BCAR3: variants seen among roughly 807,000 people sequenced by gnomAD.
BCAR3 encodes breast cancer anti-estrogen resistance protein 3.
Under a neutral mutation model 80.1 loss-of-function variants are expected in BCAR3, and 37 were observed. That is an observed-to-expected ratio of 0.46 (90% CI 0.36 to 0.61). The LOEUF (loss-of-function observed/expected upper bound fraction) is 0.61. Ranked by LOEUF, BCAR3 falls within the 20% of genes least tolerant of loss-of-function variation. The probability of loss-of-function intolerance (pLI) is 0.00; values close to 1 mark genes in which losing one functional copy is unlikely to be tolerated. For synonymous variants in BCAR3, 389 were observed against 418.9 expected, an observed-to-expected ratio of 0.93 and a Z score of 0.87; for missense variants, 978 against 1,068.2, an observed-to-expected ratio of 0.92 and a Z score of 1.18.
At chr1:93,610,833 G>C (rs1328383497) in intron 3 of BCAR3, among the ~76,000 whole-genome samples, 1 of 151,872 alleles carries the variant, frequency 6.6e-6, no homozygotes, top group East Asian at 1.9e-4. Flanking sequence ...TGTAATCCCA[G>C]CTACTCAGGA....
chr1:93,847,178 C>T, upstream of BCAR3: 1 of 197,574 alleles, frequency 5.1e-6, no homozygotes, highest in Non-Finnish European at 1.1e-5. Flanking sequence ...CCTGGGCCTG[C>T]AACTCTGGGG....
At chr1:93,662,320 T>C (rs1249205838) in intron 2 of BCAR3, among the ~76,000 whole-genome samples, 4 of 152,250 alleles carry the variant, frequency 2.6e-5, no homozygotes, top group African/African-American at 9.6e-5. Context: ...TTGAAATATT[T>C]TTCGTGTGTG....
chr1:93,843,415 G>C (rs1389274495), intron 2 of BCAR3, among the ~76,000 whole-genome samples: 1 of 152,228 alleles, frequency 6.6e-6, no homozygotes, highest in Non-Finnish European at 1.5e-5. Context: ...CCATGTGCCA[G>C]AACTGAGACA....
intron 6 of BCAR3, 89 bp downstream of exon 6, chr1:93,583,929 C>T (rs2101834088): frequency 2.3e-6 from 3 of 1,325,394 alleles, no homozygotes; most frequent in East Asian, 2.3e-5. Context: ...GTGTCGTTTT[C>T]GAATGAGACA....
At chr1:93,749,133 CACAA>C (rs1651456130) in intron 2 of BCAR3, among the ~76,000 whole-genome samples, 2 of 148,776 alleles carry the variant, frequency 1.3e-5, no homozygotes, top group South Asian at 2.1e-4. Context: ...CCCCCACACA[CACAA>C]ACAAATAATG....
chr1:93,790,634 A>AT lies in BCAR3; in HGVS notation c.-63+54932dup, dbSNP rs67196746. Among the ~76,000 whole-genome samples the AT allele has an allele frequency of 4.9e-4, 53 of 107,386 alleles. 1 individual carries two copies. The highest frequency in any genetic ancestry group is 2.7e-3 in the East Asian group (10 of 3,638). The allele number at this position is 107,386 out of a possible 152,430, so 70.4% of individuals were successfully genotyped here. On this transcript the variant is annotated intron_variant, in intron 2 of 13. Transcript: ENST00000370244. ...ATAGTCTTTTTTTTTTTTTGTATTC[A>AT]TTTTTTTTTTTTCTTAATTTTTTTT...
intron 2 of BCAR3, among the ~76,000 whole-genome samples, chr1:93,656,245 C>T (rs576814073): frequency 2.6e-5 from 4 of 152,066 alleles, no homozygotes; most frequent in East Asian, 1.9e-4. Flanking sequence ...TTGACCATTG[C>T]TTTTTCCTTT....
chr1:93,692,255 C>G (rs189451947), intron 3 of BCAR3, among the ~76,000 whole-genome samples: 2 of 152,164 alleles, frequency 1.3e-5, no homozygotes, highest in Admixed American at 6.5e-5. Flanking sequence ...CTCACAGGAA[C>G]CCCCCTCCCC....
intron 2 of BCAR3, among the ~76,000 whole-genome samples, chr1:93,724,712 A>C (rs996977868): frequency 6.6e-6 from 1 of 152,068 alleles, no homozygotes; most frequent in Non-Finnish European, 1.5e-5. Flanking sequence ...CCTTCTCTGG[A>C]TGGGCCACAG....
chr1:93,626,370 G>A (rs1675457023), intron 3 of BCAR3, among the ~76,000 whole-genome samples: 1 of 152,212 alleles, frequency 6.6e-6, no homozygotes, highest in Non-Finnish European at 1.5e-5. Flanking sequence ...GATTATTTGT[G>A]TTTTAAGTGT....
At chr1:93,740,947 C>T (rs1241970025) in intron 2 of BCAR3, among the ~76,000 whole-genome samples, 1 of 152,194 alleles carries the variant, frequency 6.6e-6, no homozygotes, top group African/African-American at 2.4e-5. Context: ...CGTCTGCCGA[C>T]TTCCATATCC....
chr1:93,571,371 C>T (rs937724842), intron 9 of BCAR3, among the ~76,000 whole-genome samples: 10 of 151,810 alleles, frequency 6.6e-5, no homozygotes, highest in Non-Finnish European at 1.3e-4. Flanking sequence ...GTGGTGGTGC[C>T]TGCCTATAGT....
At chr1:93,682,275 C>T (rs1648819085), upstream of BCAR3, among the ~76,000 whole-genome samples, 1 of 152,160 alleles carries the variant, frequency 6.6e-6, no homozygotes, top group Non-Finnish European at 1.5e-5. Context: ...TGCGAGTTGG[C>T]GGTGGCACTT....
intron 2 of BCAR3, among the ~76,000 whole-genome samples, chr1:93,720,925 C>CA (rs1650372805): frequency 6.6e-6 from 1 of 152,106 alleles, no homozygotes; most frequent in Non-Finnish European, 1.5e-5. Flanking sequence ...ATTAGCAGGG[C>CA]AGGAGGTGGC....
intron 2 of BCAR3, among the ~76,000 whole-genome samples, chr1:93,806,838 C>T (rs965515848): frequency 1.3e-5 from 2 of 152,226 alleles, no homozygotes; most frequent in South Asian, 2.1e-4. Flanking sequence ...TAGTAGAAGG[C>T]TGGGCATGGC....
At chr1:93,629,575 T>C (rs1052384762) in intron 3 of BCAR3, among the ~76,000 whole-genome samples, 1 of 152,220 alleles carries the variant, frequency 6.6e-6, no homozygotes, top group African/African-American at 2.4e-5. Context: ...TGACATGCTA[T>C]TACATTTAAT....
chr1:93,846,220 G>C (rs1655170997), intron 1 of BCAR3, among the ~76,000 whole-genome samples: 1 of 152,198 alleles, frequency 6.6e-6, no homozygotes, highest in Non-Finnish European at 1.5e-5. Context: ...AACTCTGCCA[G>C]AGACTATTCT....
At chr1:93,694,752 G>A (rs1649325241) in intron 3 of BCAR3, among the ~76,000 whole-genome samples, 1 of 152,192 alleles carries the variant, frequency 6.6e-6, no homozygotes, top group African/African-American at 2.4e-5. Flanking sequence ...GTGTCCTTAT[G>A]ATCAAACACA....
At chr1:93,764,414 C>T (rs766065900) in intron 2 of BCAR3, among the ~76,000 whole-genome samples, 23 of 152,102 alleles carry the variant, frequency 1.5e-4, no homozygotes, top group Non-Finnish European at 2.8e-4. Context: ...TCGCATCAGC[C>T]AAGCTAGGAA....
Sources: allele counts gnomAD v4.1 joint callset (sites outside exome capture counted in the v4.1 genomes callset), GRCh38; gene constraint gnomAD v4.1.1; transcripts MANE v1.5; gene names NCBI Gene and HGNC (gene_info 2026-07-23, HGNC 2026-07-21).